Variants in RNF212 observed in about 807,000 individuals in gnomAD.
RNF212 encodes the protein ring finger protein 212.
A neutral mutation model predicts 34.7 loss-of-function variants in RNF212; 33 were observed. The ratio of observed to expected loss-of-function variants is 0.95; its 90% CI spans 0.72 to 1.27. RNF212 has a LOEUF of 1.27. RNF212 is among the 50% of genes most tolerant of loss of function. The pLI is 0.00. For synonymous variants in RNF212, 140 were observed against 136.1 expected, an observed-to-expected ratio of 1.03 and a Z score of -0.20; for missense variants, 377 against 362.2, an observed-to-expected ratio of 1.04 and a Z score of -0.33.
At chr4:1,065,124 A>G (rs760987139) in intron 3 of RNF212, among the ~76,000 whole-genome samples, 9 of 152,024 alleles carry the variant, frequency 5.9e-5, no homozygotes, top group Non-Finnish European at 8.8e-5. Context: ...TCTCTTAGAG[A>G]CCCTGCTTTC....
chr4:1,061,744 T>C (rs951076729), intron 3 of RNF212, among the ~76,000 whole-genome samples: 6 of 152,216 alleles, frequency 3.9e-5, no homozygotes, highest in African/African-American at 1.4e-4. Flanking sequence ...CATCTGCGGC[T>C]GCCGTGGACA....
chr4:1,088,514 T>C lies in RNF212; in HGVS notation c.303+2268A>G, dbSNP rs183416874. Among the ~76,000 whole-genome samples, 83 of 152,276 alleles carry C rather than the reference T, an allele frequency of 5.5e-4. 1 individual carries two copies. Among genetic ancestry groups the C allele is most frequent in the Admixed American group, 1.8e-3 (27 of 15,294 alleles). ...GCAGAACATAAAAGTCTGAACAAAA[T>C]TGCAGCGCGACCATGCAGTAGAAAA... On this transcript the variant is annotated intron_variant, in intron 4 of 9. Coordinates refer to ENST00000433731, the MANE Select transcript of RNF212 (RefSeq NM_001131034.4).
At chr4:1,069,560 C>T (rs1246115376), downstream of RNF212, among the ~76,000 whole-genome samples, 1 of 152,140 alleles carries the variant, frequency 6.6e-6, no homozygotes, top group Non-Finnish European at 1.5e-5. Context: ...CCAAGGTGAA[C>T]ATCCTCCTGG....
In RNF212 at chr4:1,074,791, T is replaced by C. The variant is rs561785235; in HGVS notation, c.511-1129A>G. On this transcript the variant is annotated intron_variant, in intron 8 of 9. Coordinates refer to ENST00000433731, the MANE Select transcript of RNF212 (RefSeq NM_001131034.4). ...TCTTGTGAAATCAGGAGCTTTTGTC[T>C]CTGTACCTTCAGCCTCTGCCTGCCA... Among the ~76,000 whole-genome samples, 8 of 152,222 alleles carry C rather than the reference T, an allele frequency of 5.3e-5. No homozygotes were observed. In the South Asian group the frequency reaches 1.7e-3, roughly 32 times the overall value.
Position 1,113,437 on chromosome 4 carries a change from A to T in RNF212, c.28T>A (p.Cys10Ser). 9 of 1,607,926 alleles carry T rather than the reference A, an allele frequency of 5.6e-6. No homozygotes were observed. Among genetic ancestry groups the T allele is most frequent in the Non-Finnish European group, 7.6e-6 (9 of 1,177,970 alleles). Reference sequence around the variant, plus strand: ...GACGTCCTGTGGGGCGGCTGGAAGCAGCGATTACAGAACACCCAGTTGGCC... The same window carrying T: ...GACGTCCTGTGGGGCGGCTGGAAGCTGCGATTACAGAACACCCAGTTGGCC... MANWVFCNR[C>S]FQPPHRTSCF... Residue 10 changes from cysteine (C) to serine (S), a missense_variant, in exon 1 of 10, where the codon TGC (cysteine) becomes AGC (serine). Transcript: ENST00000433731.
rs755070470 is a variant in RNF212, at chr4:1,096,800, T to A, written c.211A>T (p.Ser71Cys). The change falls in exon 3 of 10, where the codon AGT (serine) becomes TGT (cysteine). Residue 71 changes from serine (S) to cysteine (C), a missense_variant. Ser to Cys is a moderately radical substitution (Grantham distance 112, BLOSUM62 -1). Transcript: ENST00000433731. ...TCCCTGGAGTACTTCTTACACAGACTGTCTATGCTCATGAAGAATGCCTGG... is the reference window on the plus strand; with the variant it reads ...TCCCTGGAGTACTTCTTACACAGACAGTCTATGCTCATGAAGAATGCCTGG... Reference protein sequence around the residue: ...DIQAFFMSIDSLCKKYSRETS... With the variant: ...DIQAFFMSIDCLCKKYSRETS... 6.2e-7 allele frequency: 1 copy of A among 1,613,738 alleles called. No individual in the cohort carries two copies. The highest frequency in any genetic ancestry group is 1.3e-5 in the African/African-American group (1 of 74,946).
At chr4:1,085,843 C>G (rs1034540906) in intron 5 of RNF212, 53 bp downstream of exon 5, 11 of 1,210,268 alleles carry the variant, frequency 9.1e-6, no homozygotes, top group East Asian at 4.6e-5. Flanking sequence ...ACGACCAATG[C>G]ACATGGCAGT....
chr4:1,065,084 A>G (rs1192581155), intron 3 of RNF212, among the ~76,000 whole-genome samples: 1 of 152,236 alleles, frequency 6.6e-6, no homozygotes, highest in Non-Finnish European at 1.5e-5. Context: ...CACTGTGAAT[A>G]ATACTGCTAC....
chr4:1,093,437 C>G (rs1367286033), intron 3 of RNF212: 2 of 1,432,918 alleles, frequency 1.4e-6, no homozygotes, highest in Non-Finnish European at 1.8e-6. Context: ...TACCACCTCA[C>G]GTCACACAGC....
chr4:1,111,438 G>A (rs938473904), intron 1 of RNF212, among the ~76,000 whole-genome samples: 4 of 152,114 alleles, frequency 2.6e-5, no homozygotes, highest in African/African-American at 9.7e-5. Flanking sequence ...CATGAGCTCA[G>A]GGGCCCTGCA....
chr4:1,085,870 C>T (rs1474342231), intron 5 of RNF212, 26 bp downstream of exon 5: 2 of 1,578,132 alleles, frequency 1.3e-6, no homozygotes, highest in South Asian at 1.1e-5. Flanking sequence ...CTCGACTGCG[C>T]ACTCACGGGG....
chr4:1,083,327 T>G (rs1237313971), intron 5 of RNF212, among the ~76,000 whole-genome samples: 1 of 152,186 alleles, frequency 6.6e-6, no homozygotes, highest in Non-Finnish European at 1.5e-5. Context: ...TCTCAAAATG[T>G]TAACTGTAAT....
intron 5 of RNF212, among the ~76,000 whole-genome samples, chr4:1,083,759 G>A (rs981892305): frequency 3.3e-5 from 5 of 152,166 alleles, no homozygotes; most frequent in Admixed American, 3.3e-4. Flanking sequence ...TAAGACGACG[G>A]AGATCACAGC....
downstream of RNF212, among the ~76,000 whole-genome samples, chr4:1,068,831 T>A: frequency 6.6e-6 from 1 of 152,258 alleles, no homozygotes; most frequent in African/African-American, 2.4e-5. Context: ...GAATTCCTGG[T>A]TGAGGTTTTA....
chr4:1,073,326 C>T (rs761772960), intron 9 of RNF212, 133 bp from the exon 10 acceptor site: 310 of 1,218,182 alleles, frequency 2.5e-4, no homozygotes, highest in Non-Finnish European at 3.2e-4. Flanking sequence ...AGGAAGCAAA[C>T]CCAGTGACAC....
chr4:1,081,775 T>G, intron 5 of RNF212, 156 bp from the exon 6 acceptor site: 1 of 625,762 alleles, frequency 1.6e-6, no homozygotes, highest in South Asian at 1.9e-5. Context: ...TCCCATAGCG[T>G]CCTGTGAGTC....
intron 3 of RNF212, among the ~76,000 whole-genome samples, chr4:1,060,280 C>A (rs1253790465): frequency 6.6e-6 from 1 of 152,212 alleles, no homozygotes; most frequent in Admixed American, 6.5e-5. Flanking sequence ...ACCCGAAAGA[C>A]CCCTGCCGAT....
At chr4:1,108,827 G>A (rs1725215045) in intron 1 of RNF212, among the ~76,000 whole-genome samples, 1 of 152,000 alleles carries the variant, frequency 6.6e-6, no homozygotes, top group African/African-American at 2.4e-5. Context: ...GCCTCCCTGA[G>A]TAGCTAGGAC....
intron 5 of RNF212, chr4:1,081,963 C>CT: frequency 3.2e-6 from 1 of 310,994 alleles, no homozygotes; most frequent in Non-Finnish European, 6.1e-6. Flanking sequence ...TGAAAGGCCA[C>CT]TAAGAGGCCA....
Sources: gnomAD v4.1 joint callset for allele counts (sites outside exome capture counted in the v4.1 genomes callset) on GRCh38, gnomAD v4.1.1 for gene constraint, MANE v1.5 for transcripts, NCBI Gene and HGNC (gene_info 2026-07-23, HGNC 2026-07-21) for gene names.